The following DLG1 variants were observed in gnomAD, a reference collection of about 807,000 sequenced individuals.
DLG1 encodes discs large MAGUK scaffold protein 1.
Under a neutral mutation model 123.4 loss-of-function variants are expected in DLG1, and 42 were observed. The ratio of observed to expected loss-of-function variants is 0.34; its 90% CI spans 0.27 to 0.44. The LOEUF is 0.44. Ranked by LOEUF, DLG1 falls within the 20% of genes least tolerant of loss-of-function variation. The pLI, the probability that DLG1 is intolerant of heterozygous loss-of-function variation, is 1.00. For missense variants in DLG1, 942 were observed against 1,082.6 expected (o/e 0.87, Z 1.82); for synonymous variants, 317 against 356.2 (o/e 0.89, Z 1.24).
At chr3:197,281,465 C>A (rs1424709722) in intron 4 of DLG1, among the ~76,000 whole-genome samples, 3 of 152,104 alleles carry the variant, frequency 2.0e-5, no homozygotes, top group African/African-American at 7.2e-5. Context: ...TTGGAGGGGA[C>A]ACATTCAAAC....
intron 13 of DLG1, among the ~76,000 whole-genome samples, chr3:197,108,426 G>C (rs1767827631): frequency 6.6e-6 from 1 of 151,988 alleles, no homozygotes; most frequent in Non-Finnish European, 1.5e-5. Context: ...ATCTGGTCCT[G>C]GGATTTTTGT....
At chr3:197,298,627 G>A (rs559217914), upstream of DLG1, 14 of 198,216 alleles carry the variant, frequency 7.1e-5, no homozygotes, top group South Asian at 9.1e-4. Context: ...CCCCACCGGG[G>A]AAAAGCCGCC....
chr3:197,292,630 G>A (rs1775495061), intron 3 of DLG1, among the ~76,000 whole-genome samples: 1 of 152,194 alleles, frequency 6.6e-6, no homozygotes, highest in South Asian at 2.1e-4. Flanking sequence ...TACAAATAAA[G>A]ATAGGGTAAT....
At position 197,114,116 on chromosome 3, in the gene DLG1, T is replaced by C. The variant is rs6771181; in HGVS notation, c.1443+1811A>G. ...TGAAAAACAGATTCACATCCACTCA[T>C]AGGAGTTTAGGGACAGAGTACATAC... On this transcript the variant is annotated intron_variant, in intron 13 of 24. Transcript: ENST00000667157. Among the ~76,000 whole-genome samples the C allele has an allele frequency of 1.4e-3, 211 of 152,292 alleles. 2 individuals are homozygous for C. The highest frequency in any genetic ancestry group is 4.6e-3 in the African/African-American group (193 of 41,556).
intron 5 of DLG1, among the ~76,000 whole-genome samples, chr3:197,161,174 T>C (rs191151529): frequency 6.6e-6 from 1 of 152,316 alleles, no homozygotes; most frequent in African/African-American, 2.4e-5. Context: ...CTATTATTTT[T>C]ACCTAATAAA....
At chr3:197,087,837 T>C (rs1296340843) in intron 15 of DLG1, among the ~76,000 whole-genome samples, 1 of 152,074 alleles carries the variant, frequency 6.6e-6, no homozygotes, top group East Asian at 1.9e-4. Flanking sequence ...GTAGAAACAC[T>C]GTATGTAGCA....
At position 197,161,763 on chromosome 3, in the gene DLG1, T is replaced by A. The variant is rs376816345; in HGVS notation, c.484-11967A>T. On this transcript the variant is annotated intron_variant, in intron 5 of 24. Coordinates refer to ENST00000667157, the MANE Select transcript of DLG1 (RefSeq NM_001366207.1). ...GCTAAAAATCATCAATGACAAAAAA[T>A]CAGGAAAAACACCAAAATAAAAGGG... 135 of 1,457,708 alleles carry A rather than the reference T, an allele frequency of 9.3e-5. No individual in the cohort carries two copies. The African/African-American group carries it at 1.8e-3, about 20-fold the overall frequency. 90.3% of individuals were successfully genotyped at this position (1,457,708 alleles called of 1,614,324 possible).
At chr3:197,229,931 AG>A (rs1333598080) in intron 4 of DLG1, among the ~76,000 whole-genome samples, 2 of 152,244 alleles carry the variant, frequency 1.3e-5, no homozygotes, top group African/African-American at 4.8e-5. Flanking sequence ...CAAGGCTTGG[AG>A]GAGTCACATA....
intron 14 of DLG1, among the ~76,000 whole-genome samples, chr3:197,099,706 C>T (rs1215657981): frequency 6.6e-6 from 1 of 152,166 alleles, no homozygotes; most frequent in Non-Finnish European, 1.5e-5. Flanking sequence ...TCCTCAATCT[C>T]TTCTTAACAT....
intron 5 of DLG1, among the ~76,000 whole-genome samples, chr3:197,163,609 G>T (rs1051380954): frequency 6.7e-6 from 1 of 149,782 alleles, no homozygotes; most frequent in Non-Finnish European, 1.5e-5. Context: ...TGTAACGTCC[G>T]CCTCCCGGGT....
At chr3:197,286,200 C>G (rs1383937165) in intron 3 of DLG1, among the ~76,000 whole-genome samples, 1 of 152,082 alleles carries the variant, frequency 6.6e-6, no homozygotes, top group Non-Finnish European at 1.5e-5. Context: ...CAGTGGTTTT[C>G]AGGAGTTTGT....
chr3:197,066,809 C>A, intron 19 of DLG1, 55 bp from the exon 20 acceptor site: 2 of 1,224,454 alleles, frequency 1.6e-6, no homozygotes, highest in East Asian at 4.7e-5. Flanking sequence ...TGATGCTAAT[C>A]TAATTCTTCA....
At chr3:197,221,809 T>C (rs531088647) in intron 4 of DLG1, among the ~76,000 whole-genome samples, 138 of 152,336 alleles carry the variant, frequency 9.1e-4, no homozygotes, top group Admixed American at 2.5e-3. Flanking sequence ...ATAGAGGCTA[T>C]AAAAGCTAAA....
At chr3:197,281,209 T>C (rs1050592358) in intron 4 of DLG1, among the ~76,000 whole-genome samples, 2 of 152,140 alleles carry the variant, frequency 1.3e-5, no homozygotes, top group Admixed American at 6.6e-5. Context: ...AGCTAATTTT[T>C]GTATTTTAGA....
intron 4 of DLG1, among the ~76,000 whole-genome samples, chr3:197,257,438 A>G (rs887342268): frequency 1.4e-4 from 21 of 152,292 alleles, no homozygotes; most frequent in Admixed American, 3.3e-4. Context: ...AATCACCAAA[A>G]GAATCATGAA....
chr3:197,254,762 T>C (rs1039666736), intron 4 of DLG1, among the ~76,000 whole-genome samples: 2 of 152,142 alleles, frequency 1.3e-5, no homozygotes, highest in African/African-American at 4.8e-5. Context: ...ATCTATGACC[T>C]ATTCAAAGGC....
intron 22 of DLG1, among the ~76,000 whole-genome samples, chr3:197,064,697 G>C (rs1419749452): frequency 1.3e-5 from 2 of 151,874 alleles, no homozygotes; most frequent in Non-Finnish European, 2.9e-5. Context: ...TTTTCTGTCA[G>C]TTGTCTTTTG....
chr3:197,234,305 T>C (rs1744815610), intron 4 of DLG1, among the ~76,000 whole-genome samples: 2 of 152,332 alleles, frequency 1.3e-5, no homozygotes, highest in African/African-American at 4.8e-5. Context: ...AAAGCACAGT[T>C]CTCAAACCAA....
At position 197,044,557 on chromosome 3, in the gene DLG1, G is replaced by C; in HGVS notation, c.*66C>G. ...ATCAGTACTCAAGAAAGACTCCAGAGGAAAGGGCAAAGAGATGCCAAAGAA... is the reference window on the plus strand; with the variant it reads ...ATCAGTACTCAAGAAAGACTCCAGACGAAAGGGCAAAGAGATGCCAAAGAA... On this transcript the variant is annotated 3_prime_UTR_variant, in exon 25 of 25. Transcript: ENST00000667157. 9.0e-7 allele frequency: 1 copy of C among 1,109,824 alleles called. No individual in the cohort carries two copies. The highest frequency in any genetic ancestry group is 1.4e-5 in the South Asian group (1 of 71,766). The allele number at this position is 1,109,824 out of a possible 1,614,324, so 68.7% of individuals were successfully genotyped here. A position where few individuals can be genotyped will look rare whatever the true frequency, so the allele number is the denominator to read the frequency against.
Sources: allele counts gnomAD v4.1 joint callset (sites outside exome capture counted in the v4.1 genomes callset), GRCh38; gene constraint gnomAD v4.1.1; transcripts MANE v1.5; gene names NCBI Gene and HGNC (gene_info 2026-07-23, HGNC 2026-07-21).